The following CELF1 variants were observed in gnomAD, a reference collection of about 807,000 sequenced individuals.
CELF1 encodes CUGBP Elav-like family member 1.
Under a neutral mutation model 61.8 loss-of-function variants are expected in CELF1, and 10 were observed. The ratio of observed to expected loss-of-function variants is 0.16; its 90% CI spans 0.10 to 0.27. The LOEUF is 0.27. Ranked by LOEUF, CELF1 falls within the 10% of genes least tolerant of loss-of-function variation. The pLI is 1.00. For synonymous variants in CELF1, 236 were observed against 225.1 expected, an observed-to-expected ratio of 1.05 and a Z score of -0.43; for missense variants, 380 against 639.1, an observed-to-expected ratio of 0.59 and a Z score of 4.37.
chr11:47,478,987 G>C (rs1164281297), intron 9 of CELF1, 35 bp from the exon 10 acceptor site: 1 of 1,553,496 alleles, frequency 6.4e-7, no homozygotes, highest in Non-Finnish European at 8.8e-7. Context: ...ACAAGAGTGA[G>C]AGTGAGGGCT....
upstream of CELF1, among the ~76,000 whole-genome samples, chr11:47,555,053 G>GT (rs1351455881): frequency 6.6e-6 from 1 of 152,184 alleles, no homozygotes; most frequent in Non-Finnish European, 1.5e-5. Context: ...GAGGATAGAG[G>GT]TTTTGTCTGT....
chr11:47,483,450 T>TAC lies in CELF1; in HGVS notation c.606+1_606+2dup. 6.2e-7 allele frequency: 1 copy of TAC among 1,613,284 alleles called. No homozygotes were observed. The highest frequency in any genetic ancestry group is 1.3e-5 in the African/African-American group (1 of 75,022). ...TTTTCCCCATCACCTATCTGCTCCCTACCTCCATGGTCTGTGCTTGGTGCA... is the reference window on the plus strand; with the variant it reads ...TTTTCCCCATCACCTATCTGCTCCCTACACCTCCATGGTCTGTGCTTGGTGCA... On this transcript the variant is annotated splice_region_variant and intron_variant, in intron 8 of 14. Coordinates refer to ENST00000687097, the MANE Select transcript of CELF1 (RefSeq NM_001376376.1).
intron 1 of CELF1, 133 bp from the exon 2 acceptor site, chr11:47,501,065 C>G (rs1215820082): frequency 2.5e-6 from 1 of 395,520 alleles, no homozygotes; most frequent in African/African-American, 2.1e-5. Flanking sequence ...CTGTCTGCAC[C>G]TGACCCAGGA....
chr11:47,554,787 G>A (rs553449880), upstream of CELF1, among the ~76,000 whole-genome samples: 3 of 150,892 alleles, frequency 2.0e-5, no homozygotes, highest in African/African-American at 7.3e-5. Flanking sequence ...TCAGCCTCCC[G>A]AGTAGCTGGG....
intron 9 of CELF1, among the ~76,000 whole-genome samples, chr11:47,479,167 T>C (rs562475182): frequency 1.3e-4 from 19 of 150,746 alleles, no homozygotes; most frequent in Admixed American, 1.3e-3. Context: ...GAAGATAGTA[T>C]GTTCACTGAA....
chr11:47,528,644 G>A (rs1424667227), intron 1 of CELF1, among the ~76,000 whole-genome samples: 4 of 151,816 alleles, frequency 2.6e-5, no homozygotes, highest in Non-Finnish European at 5.9e-5. Flanking sequence ...AAAATTGGGA[G>A]GTCGAGGCAG....
At chr11:47,496,926 C>T (rs533671049) in intron 3 of CELF1, among the ~76,000 whole-genome samples, 2 of 152,072 alleles carry the variant, frequency 1.3e-5, no homozygotes. Flanking sequence ...TTAAAAGATA[C>T]CTAAAAATAA....
chr11:47,508,611 A>C (rs1281118573), intron 1 of CELF1, among the ~76,000 whole-genome samples: 7 of 151,002 alleles, frequency 4.6e-5, no homozygotes, highest in Admixed American at 4.0e-4. Flanking sequence ...AAAACAAAAA[A>C]CCTCCACATA....
chr11:47,545,312 C>A (rs1043833357), intron 1 of CELF1, among the ~76,000 whole-genome samples: 2 of 152,046 alleles, frequency 1.3e-5, no homozygotes, highest in Non-Finnish European at 2.9e-5. Flanking sequence ...CACCTATAAT[C>A]CCAGCTGCTT....
At chr11:47,550,777 ACT>A (rs1327637825) in intron 1 of CELF1, among the ~76,000 whole-genome samples, 1 of 152,104 alleles carries the variant, frequency 6.6e-6, no homozygotes, top group Non-Finnish European at 1.5e-5. Context: ...TAAAAACTTC[ACT>A]GTCTGCCTAT....
intron 1 of CELF1, among the ~76,000 whole-genome samples, chr11:47,504,638 C>T (rs2094313459): frequency 7.1e-6 from 1 of 141,692 alleles, no homozygotes; most frequent in Non-Finnish European, 1.6e-5. Context: ...CGGTGGCTCA[C>T]CGCCTCTAAT....
At position 47,470,995 on chromosome 11, in the gene CELF1, A is replaced by G. The variant is rs923584163; in HGVS notation, c.*1235T>C. On this transcript the variant is annotated 3_prime_UTR_variant, in exon 15 of 15. Transcript: ENST00000687097. ...TCATGTGGAGGCTGTAAACGTCCTG[A>G]TGTCACCTCTGCCTCAAGAGCAGAA... The G allele has an allele frequency of 1.3e-5, 2 of 152,178 alleles. No homozygotes were observed. Among genetic ancestry groups the G allele is most frequent in the African/African-American group, 4.8e-5 (2 of 41,418 alleles). The allele number at this position is 152,178 out of a possible 1,614,324, so 9.4% of individuals were successfully genotyped here.
chr11:47,507,107 T>TA (rs1273026987), intron 1 of CELF1, among the ~76,000 whole-genome samples: 5 of 152,182 alleles, frequency 3.3e-5, no homozygotes, highest in Non-Finnish European at 7.3e-5. Context: ...ACCATCAACT[T>TA]AAACGATGGG....
At chr11:47,526,569 C>T (rs1178225813) in intron 1 of CELF1, among the ~76,000 whole-genome samples, 4 of 152,192 alleles carry the variant, frequency 2.6e-5, no homozygotes, top group East Asian at 1.9e-4. Flanking sequence ...TCCACTGTAA[C>T]ATTTCTCATG....
intron 1 of CELF1, among the ~76,000 whole-genome samples, chr11:47,521,048 G>A (rs1304512469): frequency 6.6e-6 from 1 of 152,096 alleles, no homozygotes; most frequent in Non-Finnish European, 1.5e-5. Context: ...TTAGGAGATC[G>A]AGTCCATCCT....
rs148206634 is a variant in CELF1 at position 47,515,099 on chromosome 11, G to T, written c.-153-14167C>A. On this transcript the variant is annotated intron_variant, in intron 1 of 14. Coordinates refer to ENST00000687097, the MANE Select transcript of CELF1 (RefSeq NM_001376376.1). ...GATGCAGCAGTAGCAATTTACATAT[G>T]GTAGCTAAGCTAATGCACAGCTTTC... Among the ~76,000 whole-genome samples, 49 of 152,308 alleles carry T rather than the reference G, an allele frequency of 3.2e-4. No homozygotes were observed. In the East Asian group the frequency reaches 9.1e-3, roughly 28 times the overall value.
At chr11:47,558,616 CAATAT>C (rs1219630923) in intron 2 of CELF1, among the ~76,000 whole-genome samples, 2 of 91,240 alleles carry the variant, frequency 2.2e-5, no homozygotes, top group South Asian at 2.8e-4. Context: ...AAAATATGTG[CAATAT>C]AATATATAAT....
chr11:47,551,861 T>C (rs1443289064), intron 1 of CELF1, among the ~76,000 whole-genome samples: 1 of 151,874 alleles, frequency 6.6e-6, no homozygotes, highest in East Asian at 1.9e-4. Context: ...ATACTAAAAA[T>C]ACGAAAATTA....
At chr11:47,512,147 C>T (rs2095243922) in intron 1 of CELF1, among the ~76,000 whole-genome samples, 1 of 151,398 alleles carries the variant, frequency 6.6e-6, no homozygotes, top group Non-Finnish European at 1.5e-5. Context: ...CCACTGTGCC[C>T]GGTTTTTTGT....
Sources: gnomAD v4.1 joint callset for allele counts (sites outside exome capture counted in the v4.1 genomes callset) on GRCh38, gnomAD v4.1.1 for gene constraint, MANE v1.5 for transcripts, NCBI Gene and HGNC (gene_info 2026-07-23, HGNC 2026-07-21) for gene names.